Variants in EIF2A observed in about 807,000 individuals in gnomAD.
EIF2A encodes the protein eukaryotic translation initiation factor 2A.
EIF2A carries 62 observed loss-of-function variants against 75.2 expected under a neutral mutation model. The observed-to-expected ratio is 0.82, with a 90% CI of 0.67 to 1.02. The LOEUF is 1.02. Among genes scored for constraint, EIF2A ranks in the 50% least tolerant of loss-of-function variants. The pLI is 0.00. For missense variants in EIF2A, 611 were observed against 677.7 expected (o/e 0.90, Z 1.09); for synonymous variants, 207 against 239.0 (o/e 0.87, Z 1.23).
intron 3 of EIF2A, among the ~76,000 whole-genome samples, chr3:150,562,231 G>A (rs1192870225): frequency 6.6e-6 from 1 of 151,870 alleles, no homozygotes; most frequent in Non-Finnish European, 1.5e-5. Context: ...GACCATCCTG[G>A]CTAACACGGT....
chr3:150,560,716 CT>C (rs71138455), intron 3 of EIF2A, among the ~76,000 whole-genome samples: 48,209 of 120,346 alleles, frequency 0.4, 5,680 homozygotes, highest in Middle Eastern at 0.46. Context: ...GATGGAGAGT[CT>C]TTTTTTTTTT....
chr3:150,563,034 A>C (rs766627922), intron 4 of EIF2A: 70 of 184,268 alleles, frequency 3.8e-4, no homozygotes, highest in Non-Finnish European at 1.1e-4. Context: ...TAGACAAAAC[A>C]TCTAAGGGAT....
In EIF2A at chr3:150,572,419, A is replaced by G. The variant is rs1724586371; in HGVS notation, c.1273A>G (p.Thr425Ala). ...PFLDGIFPAK[T>A]ITYQAVPSEV... ...TTTGGATGGAATATTTCCAGCAAAA[A>G]CAATAACTTACCAAGCAGTTCCAAG... Residue 425 changes from threonine to alanine, a missense_variant, in exon 10 of 14, where the codon ACA (threonine) becomes GCA (alanine). By Grantham distance (58) the Thr-to-Ala change is moderately conservative (BLOSUM62 0). Coordinates refer to ENST00000460851, the MANE Select transcript of EIF2A (RefSeq NM_032025.5). 7 of 1,613,938 alleles carry G rather than the reference A, an allele frequency of 4.3e-6. No homozygotes were observed. Among genetic ancestry groups the G allele is most frequent in the Admixed American group, 1.7e-5 (1 of 60,006 alleles).
At chr3:150,566,453 G>T (rs1354195132) in intron 6 of EIF2A, 1 of 152,084 alleles carries the variant, frequency 6.6e-6, no homozygotes, top group African/African-American at 2.4e-5. Flanking sequence ...AAAAAAAAAG[G>T]TATTTAGGTT....
At position 150,563,535 on chromosome 3, in the gene EIF2A, G is replaced by A; in HGVS notation, c.313G>A (p.Gly105Arg). Residue 105 changes from glycine to arginine, a missense_variant, in exon 5 of 14, where the codon GGG (glycine) becomes AGG (arginine). Coordinates refer to ENST00000460851, the MANE Select transcript of EIF2A (RefSeq NM_032025.5). ...TGCAGCTTCTAAAGATGGCACAGCT[G>A]GGATACCCAACCTACAACTTTATGA... ...PYTTSKDGTA[G>R]IPNLQLYDVK... is the part of the protein sequence containing the mutation. 1 of 1,547,410 alleles carries A rather than the reference G, an allele frequency of 6.5e-7. No homozygotes were observed. The highest frequency in any genetic ancestry group is 1.4e-5 in the African/African-American group (1 of 72,924).
chr3:150,554,082 T>C (rs528813718), intron 2 of EIF2A, among the ~76,000 whole-genome samples: 1 of 152,156 alleles, frequency 6.6e-6, no homozygotes, highest in East Asian at 1.9e-4. Flanking sequence ...AAAGCAAAGC[T>C]ATAAAAGACT....
intron 10 of EIF2A, among the ~76,000 whole-genome samples, chr3:150,574,940 C>G (rs936548452): frequency 2.6e-5 from 4 of 152,194 alleles, no homozygotes; most frequent in African/African-American, 9.7e-5. Flanking sequence ...AGTGCCATCA[C>G]TTATACTGTA....
intron 11 of EIF2A, 32 bp from the exon 12 acceptor site, chr3:150,581,586 T>C: frequency 6.5e-7 from 1 of 1,546,610 alleles, no homozygotes; most frequent in South Asian, 1.2e-5. Context: ...TTTTGGCTTT[T>C]AAAATTGAAT....
chr3:150,553,398 G>A (rs1723413039), intron 2 of EIF2A, among the ~76,000 whole-genome samples: 1 of 151,256 alleles, frequency 6.6e-6, no homozygotes, highest in Admixed American at 6.6e-5. Context: ...GCATAACCAT[G>A]TGAAGACCTG....
intron 11 of EIF2A, among the ~76,000 whole-genome samples, chr3:150,578,184 CT>C (rs897320022): frequency 6.6e-6 from 1 of 151,688 alleles, no homozygotes; most frequent in African/African-American, 2.4e-5. Flanking sequence ...GTTTCTTCCA[CT>C]TTATCAAAAG....
At chr3:150,583,441 A>C (rs1436474316) in intron 13 of EIF2A, among the ~76,000 whole-genome samples, 176 bp downstream of exon 13, 2 of 152,228 alleles carry the variant, frequency 1.3e-5, no homozygotes, top group African/African-American at 4.8e-5. Context: ...CTTAAATAGA[A>C]GAGATATGGT....
At chr3:150,564,218 A>G (rs1317385150) in intron 5 of EIF2A, 81 bp from the exon 6 acceptor site, 2 of 1,075,660 alleles carry the variant, frequency 1.9e-6, no homozygotes, top group East Asian at 5.4e-5. Context: ...AACCAATATC[A>G]TAAATTACTT....
chr3:150,571,945 A>G lies in EIF2A; in HGVS notation c.812-13A>G. On this transcript the variant is annotated splice_polypyrimidine_tract_variant and intron_variant, in intron 9 of 13. Transcript: ENST00000460851. ...TCTTTATTGCTAATTTGGGCTTTAT[A>G]TTCTTTTTCTAGCAAAAAATGGCCC... 6.3e-7 allele frequency: 1 copy of G among 1,590,962 alleles called. No individual in the cohort carries two copies. The highest frequency in any genetic ancestry group is 1.4e-5 in the African/African-American group (1 of 73,822).
intron 2 of EIF2A, among the ~76,000 whole-genome samples, chr3:150,557,340 A>ATTT (rs1192591854): frequency 2.6e-5 from 4 of 152,208 alleles, no homozygotes; most frequent in Non-Finnish European, 5.9e-5. Context: ...AATGAGTTGC[A>ATTT]TAAGTGTAGG....
At chr3:150,582,278 G>A (rs879733845) in intron 12 of EIF2A, among the ~76,000 whole-genome samples, 1 of 151,774 alleles carries the variant, frequency 6.6e-6, no homozygotes, top group Non-Finnish European at 1.5e-5. Context: ...TGGGATTTGT[G>A]AGCCTCCTCG....
intron 11 of EIF2A, among the ~76,000 whole-genome samples, chr3:150,579,879 G>A (rs928236747): frequency 2.0e-5 from 3 of 150,344 alleles, no homozygotes; most frequent in Admixed American, 6.6e-5. Flanking sequence ...AGGTTATGGA[G>A]ACCTGGAGCA....
intron 2 of EIF2A, among the ~76,000 whole-genome samples, chr3:150,554,223 C>G (rs1417193715): frequency 6.6e-6 from 1 of 151,300 alleles, no homozygotes; most frequent in Non-Finnish European, 1.5e-5. Flanking sequence ...CGAAAAATCC[C>G]CCCTCCGTTT....
At chr3:150,547,521 G>A (rs1723103750) in intron 1 of EIF2A, among the ~76,000 whole-genome samples, 1 of 152,170 alleles carries the variant, frequency 6.6e-6, no homozygotes, top group Non-Finnish European at 1.5e-5. Flanking sequence ...TGGGGAAGTT[G>A]CTTTACTAGG....
intron 9 of EIF2A, among the ~76,000 whole-genome samples, chr3:150,570,747 G>A (rs1394599000): frequency 6.6e-6 from 1 of 152,054 alleles, no homozygotes; most frequent in Non-Finnish European, 1.5e-5. Context: ...GGATAGTGAG[G>A]GGGAAGCCTG....
Sources: allele counts gnomAD v4.1 joint callset (sites outside exome capture counted in the v4.1 genomes callset), GRCh38; gene constraint gnomAD v4.1.1; transcripts MANE v1.5; gene names NCBI Gene and HGNC (gene_info 2026-07-23, HGNC 2026-07-21).